The following GRID2 variants were observed in gnomAD, a reference collection of about 807,000 sequenced individuals.
The protein encoded by GRID2 is glutamate ionotropic receptor delta type subunit 2.
In GRID2, 33 loss-of-function variants were observed where a neutral mutation model predicts 114.8. That is an observed-to-expected ratio of 0.29 (90% CI 0.22 to 0.38). The LOEUF (loss-of-function observed/expected upper bound fraction) is 0.38. Among genes scored for constraint, GRID2 ranks in the 10% least tolerant of loss-of-function variants. GRID2 has a pLI of 1.00. For missense variants in GRID2, 1,184 were observed against 1,257.7 expected (o/e 0.94, Z 0.89); for synonymous variants, 505 against 449.9 (o/e 1.12, Z -1.55).
At chr4:93,285,151 C>T (rs1381348852) in intron 8 of GRID2, among the ~76,000 whole-genome samples, 2 of 133,654 alleles carry the variant, frequency 1.5e-5, no homozygotes, top group African/African-American at 5.7e-5. Flanking sequence ...CCTAGTTTTC[C>T]AGAGAGCATT....
At chr4:92,409,550 A>T (rs748168243) in intron 1 of GRID2, among the ~76,000 whole-genome samples, 1 of 152,270 alleles carries the variant, frequency 6.6e-6, no homozygotes, top group South Asian at 2.1e-4. Flanking sequence ...TCAGACATAT[A>T]TTTCTCAAAA....
intron 1 of GRID2, among the ~76,000 whole-genome samples, chr4:92,541,233 T>A (rs1248497351): frequency 6.6e-6 from 1 of 151,924 alleles, no homozygotes; most frequent in African/African-American, 2.4e-5. Flanking sequence ...ACATGGCACA[T>A]GTATACAATG....
intron 8 of GRID2, among the ~76,000 whole-genome samples, chr4:93,365,263 T>A: frequency 6.6e-6 from 1 of 152,166 alleles, no homozygotes; most frequent in Non-Finnish European, 1.5e-5. Flanking sequence ...CCAGGCCCAA[T>A]CTTTATTTTT....
At chr4:92,451,646 A>G (rs1720931557) in intron 1 of GRID2, among the ~76,000 whole-genome samples, 1 of 152,278 alleles carries the variant, frequency 6.6e-6, no homozygotes, top group African/African-American at 2.4e-5. Flanking sequence ...AAGGAAACCC[A>G]TTTCACCAAT....
At chr4:92,421,601 A>C (rs1731912614) in intron 1 of GRID2, among the ~76,000 whole-genome samples, 1 of 152,126 alleles carries the variant, frequency 6.6e-6, no homozygotes, top group Admixed American at 6.6e-5. Context: ...GGCTGCTGTT[A>C]TTCAAACAGG....
At chr4:92,488,330 CAAAT>C (rs1186503826) in intron 1 of GRID2, among the ~76,000 whole-genome samples, 1 of 152,126 alleles carries the variant, frequency 6.6e-6, no homozygotes, top group Non-Finnish European at 1.5e-5. Context: ...ACAAGGCAAA[CAAAT>C]AAATCAACTT....
At chr4:93,007,030 A>G (rs1560789447) in intron 2 of GRID2, among the ~76,000 whole-genome samples, 1 of 152,010 alleles carries the variant, frequency 6.6e-6, no homozygotes, top group East Asian at 1.9e-4. Context: ...GCAATGGAGA[A>G]AGCATACAAA....
chr4:93,589,739 G>A (rs1299439497), intron 13 of GRID2, among the ~76,000 whole-genome samples: 1 of 151,662 alleles, frequency 6.6e-6, no homozygotes, highest in Non-Finnish European at 1.5e-5. Flanking sequence ...TTTAATGATT[G>A]CCATTCTAAC....
At chr4:93,472,191 G>A (rs965058129) in intron 11 of GRID2, among the ~76,000 whole-genome samples, 1 of 151,648 alleles carries the variant, frequency 6.6e-6, no homozygotes, top group East Asian at 2.0e-4. Context: ...AAGCATGGTG[G>A]CGCATGCCTG....
At chr4:92,385,198 A>G (rs1442151962) in intron 1 of GRID2, among the ~76,000 whole-genome samples, 1 of 151,778 alleles carries the variant, frequency 6.6e-6, no homozygotes, top group Admixed American at 6.6e-5. Context: ...TATTCAAGCT[A>G]TCCTTTATTA....
At chr4:93,146,606 GGA>G (rs374663929) in intron 4 of GRID2, among the ~76,000 whole-genome samples, 4 of 151,014 alleles carry the variant, frequency 2.6e-5, no homozygotes, top group Non-Finnish European at 4.4e-5. Context: ...AGAGAAAGGA[GGA>G]GAGAGAGAGA....
chr4:92,726,769 T>C (rs1736088502), intron 2 of GRID2, among the ~76,000 whole-genome samples: 1 of 152,066 alleles, frequency 6.6e-6, no homozygotes, highest in South Asian at 2.1e-4. Context: ...AGGTTAAAAA[T>C]CAATTCTATG....
chr4:92,713,082 G>A (rs1217927951), intron 2 of GRID2, among the ~76,000 whole-genome samples: 1 of 151,226 alleles, frequency 6.6e-6, no homozygotes, highest in Non-Finnish European at 1.5e-5. Flanking sequence ...TGCCATGTTG[G>A]TGTGCTGCAC....
chr4:93,044,012 A>G (rs1428839836), intron 2 of GRID2, among the ~76,000 whole-genome samples: 4 of 151,990 alleles, frequency 2.6e-5, no homozygotes, highest in Admixed American at 6.6e-5. Context: ...AAAAGTAATG[A>G]AGAAAGTGAT....
chr4:93,020,380 A>C (rs891330170), intron 2 of GRID2, among the ~76,000 whole-genome samples: 1 of 152,182 alleles, frequency 6.6e-6, no homozygotes. Context: ...GAAAAAATGC[A>C]AAGAAATCCT....
intron 2 of GRID2, among the ~76,000 whole-genome samples, chr4:92,590,668 A>G (rs1354125590): frequency 2.6e-5 from 4 of 152,168 alleles, no homozygotes; most frequent in Non-Finnish European, 5.9e-5. Context: ...ATGACATATC[A>G]GGTGAACTCA....
intron 2 of GRID2, among the ~76,000 whole-genome samples, chr4:92,695,125 C>G (rs939636957): frequency 1.3e-5 from 2 of 151,922 alleles, no homozygotes; most frequent in African/African-American, 4.8e-5. Flanking sequence ...CACTACCACA[C>G]CTAGCTAATT....
chr4:92,834,300 T>G (rs1289995972), intron 2 of GRID2, among the ~76,000 whole-genome samples: 1 of 152,208 alleles, frequency 6.6e-6, no homozygotes, highest in Non-Finnish European at 1.5e-5. Context: ...GAATTTCATT[T>G]CATATCTCAG....
At chr4:93,059,822 AG>A (rs1262509076) in intron 2 of GRID2, among the ~76,000 whole-genome samples, 1 of 151,826 alleles carries the variant, frequency 6.6e-6, no homozygotes, top group Non-Finnish European at 1.5e-5. Context: ...AAAAAAAAAA[AG>A]TATTCTGAGA....
Sources: allele counts gnomAD v4.1 joint callset (sites outside exome capture counted in the v4.1 genomes callset), GRCh38; gene constraint gnomAD v4.1.1; transcripts MANE v1.5; gene names NCBI Gene and HGNC (gene_info 2026-07-23, HGNC 2026-07-21).